The following RGS7 variants were observed in gnomAD, a reference collection of about 807,000 sequenced individuals.
RGS7 encodes the protein regulator of G-protein signaling 7.
A neutral mutation model predicts 81.1 loss-of-function variants in RGS7; 27 were observed. The ratio of observed to expected loss-of-function variants is 0.33; its 90% CI spans 0.25 to 0.46. The LOEUF is 0.46. Ranked by LOEUF, RGS7 falls within the 20% of genes least tolerant of loss-of-function variation. The probability of loss-of-function intolerance (pLI) is 1.00; values close to 1 mark genes in which losing one functional copy is unlikely to be tolerated. For synonymous variants in RGS7, 208 were observed against 207.7 expected (o/e 1.00, Z -0.01); for missense variants, 396 against 607.4 (o/e 0.65, Z 3.66).
Position 240,868,346 on chromosome 1 carries a change from T to C in RGS7, c.609+241A>G, listed in dbSNP as rs371730457. On this transcript the variant is annotated intron_variant, in intron 9 of 18. Transcript: ENST00000440928. This position sits in a 1 kb window ranked among gnomAD's most constrained non-coding sequence, Gnocchi z 5.1. The stretch of plus-strand genomic sequence containing the variant: ...TACAGAAGCATCAGATACCTTCAAA[T>C]AGCAAGAGAGTAAGCAAGCGATATC... Among the ~76,000 whole-genome samples the C allele has an allele frequency of 1.1e-4, 17 of 152,302 alleles. No individual in the cohort carries two copies. The South Asian group carries it at 3.1e-3, about 28-fold the overall frequency.
At chr1:241,295,284 T>TAA (rs144630615) in intron 2 of RGS7, among the ~76,000 whole-genome samples, 10,740 of 146,754 alleles carry the variant, frequency 0.073, 492 homozygotes, top group East Asian at 0.17. Flanking sequence ...CCGTCTCTAC[T>TAA]AAAAAAAAAA....
intron 2 of RGS7, among the ~76,000 whole-genome samples, chr1:241,317,487 T>C (rs1469569640): frequency 6.6e-6 from 1 of 152,122 alleles, no homozygotes; most frequent in African/African-American, 2.4e-5. Flanking sequence ...TGCATTCCTC[T>C]TTTCTTACGT....
At chr1:241,299,219 T>C (rs1396757187) in intron 2 of RGS7, among the ~76,000 whole-genome samples, 1 of 152,122 alleles carries the variant, frequency 6.6e-6, no homozygotes, top group African/African-American at 2.4e-5. Flanking sequence ...AACTTTCAAG[T>C]TTCCCTTTCT....
chr1:240,810,214 G>C (rs893944356), intron 14 of RGS7, among the ~76,000 whole-genome samples: 9 of 152,244 alleles, frequency 5.9e-5, no homozygotes, highest in African/African-American at 1.9e-4. Context: ...TTTGTGCTGT[G>C]ATTTGTTTTC....
chr1:241,138,518 G>T (rs938293195), intron 2 of RGS7, among the ~76,000 whole-genome samples: 9 of 152,132 alleles, frequency 5.9e-5, no homozygotes, highest in Admixed American at 5.9e-4. Context: ...CTGCACACAC[G>T]CCTGGCTTCT....
chr1:240,812,237 T>G lies in RGS7; in HGVS notation c.957-194A>C, dbSNP rs377397226. ...TAGTATTAATAATAAAGTCTAACATTTATTGAGCATTATGTGCCAGGCACT... is the reference window on the plus strand; with the variant it reads ...TAGTATTAATAATAAAGTCTAACATGTATTGAGCATTATGTGCCAGGCACT... On this transcript the variant is annotated intron_variant, in intron 13 of 18. Transcript: ENST00000440928. Among the ~76,000 whole-genome samples, 23 of 152,244 alleles carry G rather than the reference T, an allele frequency of 1.5e-4. 2 individuals carry two copies. Among genetic ancestry groups the G allele is most frequent in the East Asian group, 5.8e-4 (3 of 5,180 alleles).
intron 6 of RGS7, among the ~76,000 whole-genome samples, chr1:240,888,699 G>GCTAT (rs1209016411): frequency 2.6e-5 from 4 of 152,078 alleles, no homozygotes; most frequent in Non-Finnish European, 5.9e-5. Flanking sequence ...GAGAAGAGGT[G>GCTAT]CTATCAACTT....
chr1:240,996,519 T>G (rs1053552736), intron 3 of RGS7, among the ~76,000 whole-genome samples: 12 of 152,222 alleles, frequency 7.9e-5, no homozygotes, highest in Admixed American at 6.5e-5. Context: ...TACGTCTTCT[T>G]GGAAAAATGA....
intron 18 of RGS7, among the ~76,000 whole-genome samples, chr1:240,785,526 A>T (rs1684921573): frequency 6.6e-6 from 1 of 152,230 alleles, no homozygotes; most frequent in African/African-American, 2.4e-5. Context: ...AGCAGTCTCC[A>T]AATAAGTAGT....
intron 3 of RGS7, among the ~76,000 whole-genome samples, chr1:241,070,815 G>A (rs967747271): frequency 5.9e-5 from 9 of 152,090 alleles, no homozygotes; most frequent in Non-Finnish European, 8.8e-5. Flanking sequence ...TGTGGGAGGC[G>A]CCCTGTCTGG....
At chr1:240,783,775 A>G (rs908365280) in intron 18 of RGS7, among the ~76,000 whole-genome samples, 4 of 152,064 alleles carry the variant, frequency 2.6e-5, no homozygotes, top group Non-Finnish European at 4.4e-5. Flanking sequence ...GGGAGATGGA[A>G]GCAACTTCCT....
intron 2 of RGS7, among the ~76,000 whole-genome samples, chr1:241,218,420 C>G (rs2074700177): frequency 6.6e-6 from 1 of 152,170 alleles, no homozygotes; most frequent in Non-Finnish European, 1.5e-5. Context: ...AATTAACACA[C>G]AGTGCCTAAC....
chr1:241,356,242 G>A (rs1394466410), intron 1 of RGS7, among the ~76,000 whole-genome samples: 1 of 151,932 alleles, frequency 6.6e-6, no homozygotes, highest in Non-Finnish European at 1.5e-5. Context: ...GTGGGGGGCG[G>A]GTTAGCACAC....
intron 2 of RGS7, among the ~76,000 whole-genome samples, chr1:241,240,791 T>C (rs1573305278): frequency 6.6e-6 from 1 of 152,318 alleles, no homozygotes; most frequent in Non-Finnish European, 1.5e-5. Context: ...ACATTAAAAA[T>C]ATAGGTAAAC....
At chr1:240,882,235 C>G (rs1666534730) in intron 6 of RGS7, among the ~76,000 whole-genome samples, 1 of 152,128 alleles carries the variant, frequency 6.6e-6, no homozygotes, top group African/African-American at 2.4e-5. Flanking sequence ...TTTAAATACC[C>G]TCCTGGGAGG....
chr1:240,946,396 A>G (rs1249100902), intron 4 of RGS7, among the ~76,000 whole-genome samples: 4 of 152,166 alleles, frequency 2.6e-5, no homozygotes, highest in African/African-American at 9.7e-5. Context: ...TGAGACTAGG[A>G]GTTCGAGACC....
intron 10 of RGS7, among the ~76,000 whole-genome samples, chr1:240,817,892 C>A (rs537053947): frequency 2.0e-5 from 3 of 152,100 alleles, no homozygotes; most frequent in Non-Finnish European, 2.9e-5. Context: ...CGTGAGCCAC[C>A]GCGCCTGGCC....
chr1:241,058,248 T>C (rs2061572620), intron 3 of RGS7, among the ~76,000 whole-genome samples: 1 of 152,122 alleles, frequency 6.6e-6, no homozygotes, highest in Admixed American at 6.5e-5. Flanking sequence ...GAAGAATGAG[T>C]CAGGTGAGCA....
chr1:241,273,794 C>A (rs950522684), intron 2 of RGS7, among the ~76,000 whole-genome samples: 2 of 152,162 alleles, frequency 1.3e-5, no homozygotes, highest in East Asian at 1.9e-4. Context: ...TAAAAAAAGT[C>A]CCTCATATCT....
Sources: allele counts gnomAD v4.1 joint callset (sites outside exome capture counted in the v4.1 genomes callset), GRCh38; gene constraint gnomAD v4.1.1; non-coding constraint Gnocchi (gnomAD v3.1); transcripts MANE v1.5; gene names NCBI Gene and HGNC (gene_info 2026-07-23, HGNC 2026-07-21).